Variants in SPC25 observed in about 807,000 individuals in gnomAD.
The protein encoded by SPC25 is SPC25 component of NDC80 kinetochore complex, also known as kinetochore protein Spc25.
A neutral mutation model predicts 29.6 loss-of-function variants in SPC25; 22 were observed. The ratio of observed to expected loss-of-function variants is 0.74; its 90% confidence interval spans 0.53 to 1.06. The LOEUF (loss-of-function observed/expected upper bound fraction) is 1.06, where lower values mean the gene tolerates loss of function less well. Ranked by LOEUF, SPC25 falls within the 50% of genes least tolerant of loss-of-function variation. The probability of loss-of-function intolerance (pLI) is 0.00; values close to 1 mark genes in which losing one functional copy is unlikely to be tolerated. For missense variants in SPC25, 230 were observed against 255.8 expected (o/e 0.90, Z 0.69); for synonymous variants, 91 against 90.4 (o/e 1.01, Z -0.04).
At chr2:168,888,457 A>AG (rs968677699) in intron 3 of SPC25, among the ~76,000 whole-genome samples, 2 of 152,170 alleles carry the variant, frequency 1.3e-5, no homozygotes, top group African/African-American at 4.8e-5. Context: ...TGGGAGGCTG[A>AG]GGCAGGAGAG....
downstream of SPC25, among the ~76,000 whole-genome samples, chr2:168,866,661 A>G (rs1317243587): frequency 2.0e-5 from 3 of 152,240 alleles, no homozygotes; most frequent in Non-Finnish European, 4.4e-5. Flanking sequence ...TCTGCACAGC[A>G]AAAGAAACCA....
At position 168,889,522 on chromosome 2, in the gene SPC25, T is replaced by G. The variant is rs754368379; in HGVS notation, c.-3A>C. On this transcript the variant is annotated 5_prime_UTR_variant, in exon 2 of 7. Coordinates refer to ENST00000282074, the MANE Select transcript of SPC25 (RefSeq NM_020675.4). ...AGTGCCAGTTCGTCCTCTACCATTA[T>G]GTAGGACAATGCTAAAAACAGAATA... 38 of 1,612,138 alleles carry G rather than the reference T, an allele frequency of 2.4e-5. 2 individuals carry two copies. The South Asian group carries it at 4.2e-4, about 18-fold the overall frequency.
intron 3 of SPC25, among the ~76,000 whole-genome samples, chr2:168,880,920 T>C (rs1690168282): frequency 6.6e-6 from 1 of 152,152 alleles, no homozygotes. Flanking sequence ...ACGTCAAAGA[T>C]CACTGATCAT....
At chr2:168,868,583 T>C (rs975701350), downstream of SPC25, among the ~76,000 whole-genome samples, 3 of 151,978 alleles carry the variant, frequency 2.0e-5, no homozygotes, top group Non-Finnish European at 4.4e-5. Context: ...AACACCTCTA[T>C]GCAAATAAAC....
chr2:168,888,953 GTGTGTATA>G (rs1380589545), intron 3 of SPC25, among the ~76,000 whole-genome samples: 7 of 61,574 alleles, frequency 1.1e-4, no homozygotes, highest in East Asian at 5.8e-4. Context: ...GTGTGTGTGT[GTGTGTATA>G]TATATATATA....
intron 5 of SPC25, among the ~76,000 whole-genome samples, chr2:168,875,846 C>T (rs1210251722): frequency 6.6e-6 from 1 of 152,074 alleles, no homozygotes; most frequent in South Asian, 2.1e-4. Context: ...AAATTATTTG[C>T]ATGTTGACAA....
chr2:168,864,808 C>G, intron 4 of SPC25: 3 of 1,612,766 alleles, frequency 1.9e-6, no homozygotes, highest in Non-Finnish European at 2.5e-6. Flanking sequence ...TCACAGAGAC[C>G]CATTTGTCTA....
intron 6 of SPC25, among the ~76,000 whole-genome samples, chr2:168,873,277 T>TA (rs1018867192): frequency 3.3e-5 from 5 of 152,234 alleles, no homozygotes; most frequent in Non-Finnish European, 2.9e-5. Flanking sequence ...CTTCACCTTT[T>TA]AAAAAAGTTA....
At chr2:168,876,277 C>A in intron 4 of SPC25, 101 bp from the exon 5 acceptor site, 2 of 827,544 alleles carry the variant, frequency 2.4e-6, no homozygotes, top group Non-Finnish European at 1.8e-6. Flanking sequence ...AAAATGATGC[C>A]AAGCCTATAA....
chr2:168,866,297 G>C (rs541303784), downstream of SPC25, among the ~76,000 whole-genome samples: 95 of 152,402 alleles, frequency 6.2e-4, no homozygotes, highest in African/African-American at 2.2e-3. Context: ...CAATGGAACA[G>C]AACAGAGCCC....
rs935067668 is a variant in SPC25 at position 168,871,345 on chromosome 2, A to C, written c.*86T>G. ...ATTGTGCACATGTACCCTAAAACTT[A>C]AAGTATAATAATAATAAAAACAAGA... On this transcript the variant is annotated 3_prime_UTR_variant, in exon 7 of 7. Transcript: ENST00000282074. 7.8e-7 allele frequency: 1 copy of C among 1,281,212 alleles called. No individual in the cohort carries two copies. Among genetic ancestry groups the C allele is most frequent in the African/African-American group, 2.0e-5 (1 of 50,228 alleles). The allele number at this position is 1,281,212 out of a possible 1,614,324, so 79.4% of individuals were successfully genotyped here. A position where few individuals can be genotyped will look rare whatever the true frequency, so the allele number is the denominator to read the frequency against.
At chr2:168,888,696 C>T (rs1690314456) in intron 3 of SPC25, among the ~76,000 whole-genome samples, 1 of 151,080 alleles carries the variant, frequency 6.6e-6, no homozygotes, top group African/African-American at 2.4e-5. Context: ...AATGTTTATT[C>T]CTATATATAA....
At chr2:168,889,127 C>G in intron 3 of SPC25, 99 bp downstream of exon 3, 1 of 919,352 alleles carries the variant, frequency 1.1e-6, no homozygotes, top group Non-Finnish European at 1.6e-6. Context: ...CATATACACA[C>G]TTGTGTACAC....
chr2:168,864,439 C>G (rs1308217299), intron 4 of SPC25, among the ~76,000 whole-genome samples: 1 of 151,996 alleles, frequency 6.6e-6, no homozygotes, highest in African/African-American at 2.4e-5. Context: ...GCGTGCGCCA[C>G]CACACCCAGC....
intron 3 of SPC25, among the ~76,000 whole-genome samples, chr2:168,882,142 G>A (rs2105831204): frequency 1.3e-5 from 2 of 152,338 alleles, no homozygotes; most frequent in Admixed American, 1.3e-4. Flanking sequence ...TGGCAGTTAG[G>A]AAGTTAATAT....
In SPC25 at chr2:168,889,225, C is replaced by T. The variant is rs751996361; in HGVS notation, c.199+1G>A. 6.2e-7 allele frequency: 1 copy of T among 1,610,278 alleles called. No homozygotes were observed. Among genetic ancestry groups the T allele is most frequent in the African/African-American group, 1.3e-5 (1 of 74,618 alleles). ...CCCATGATTTATACTTTTTCACATA[C>T]GATTTTGATATTCCAGAAACATCTC... On this transcript the variant is annotated splice_donor_variant, in intron 3 of 6. Transcript: ENST00000282074. LOFTEE classifies it high-confidence loss of function.
At chr2:168,862,989 A>C (rs1336025490) in intron 4 of SPC25, among the ~76,000 whole-genome samples, 1 of 147,854 alleles carries the variant, frequency 6.8e-6, no homozygotes, top group Non-Finnish European at 1.5e-5. Flanking sequence ...TGCCAGTCAT[A>C]TCTCTCCAGG....
At chr2:168,870,813 C>T (rs371687349), downstream of SPC25, 59 of 147,490 alleles carry the variant, frequency 4.0e-4, no homozygotes, top group Middle Eastern at 3.4e-3. Flanking sequence ...TCCTCAGGGA[C>T]CTAGAACTAG....
chr2:168,864,340 G>A (rs570067601), intron 4 of SPC25, among the ~76,000 whole-genome samples: 1 of 150,054 alleles, frequency 6.7e-6, no homozygotes, highest in African/African-American at 2.5e-5. Context: ...AGGCTAGAGT[G>A]CAGTGGCATG....
Sources: allele counts gnomAD v4.1 joint callset (sites outside exome capture counted in the v4.1 genomes callset), GRCh38; gene constraint gnomAD v4.1.1; transcripts MANE v1.5; gene names NCBI Gene and HGNC (gene_info 2026-07-23, HGNC 2026-07-21).